TMEM144: variants seen among roughly 807,000 people sequenced by gnomAD.
TMEM144 encodes transmembrane protein 144.
Under a neutral mutation model 43.6 loss-of-function variants are expected in TMEM144, and 39 were observed. That is an observed-to-expected ratio of 0.90 (90% CI 0.69 to 1.17). TMEM144 has a LOEUF of 1.17. Among genes scored for constraint, TMEM144 ranks in the 50% most tolerant of loss-of-function variants. The pLI is 0.00. For synonymous variants in TMEM144, 154 were observed against 133.6 expected (o/e 1.15, Z -1.06); for missense variants, 417 against 411.9 (o/e 1.01, Z -0.11).
chr4:158,252,059 C>T (rs1023761712), intron 12 of TMEM144, among the ~76,000 whole-genome samples: 3 of 152,064 alleles, frequency 2.0e-5, no homozygotes, highest in Admixed American at 1.3e-4. Flanking sequence ...AAAGAGATGC[C>T]TCCAGGGATA....
At chr4:158,244,454 G>T in intron 12 of TMEM144, 105 bp downstream of exon 12, 1 of 834,394 alleles carries the variant, frequency 1.2e-6, no homozygotes, top group Non-Finnish European at 1.9e-6. Flanking sequence ...GGTGGATCGT[G>T]AGGTTAGGAG....
At chr4:158,248,739 T>G (rs1736018819) in intron 12 of TMEM144, among the ~76,000 whole-genome samples, 1 of 152,194 alleles carries the variant, frequency 6.6e-6, no homozygotes, top group Non-Finnish European at 1.5e-5. Context: ...GTCAGTTATA[T>G]ATCTTAAAGC....
rs141957756 is a variant in TMEM144, at chr4:158,232,431, G to A, written c.414-470G>A. On this transcript the variant is annotated intron_variant, in intron 6 of 12. Transcript: ENST00000296529. Reference sequence around the variant, plus strand: ...TCCGGCAGGATTGGTAAGGTCAGAAGTGGACACACCGGTGGCCTCAGTAGA... The same window carrying A: ...TCCGGCAGGATTGGTAAGGTCAGAAATGGACACACCGGTGGCCTCAGTAGA... Among the ~76,000 whole-genome samples, 838 of 152,304 alleles carry A rather than the reference G, an allele frequency of 5.5e-3. 6 individuals carry two copies. Among genetic ancestry groups the A allele is most frequent in the African/African-American group, 0.017 (725 of 41,564 alleles).
rs1235515820 is a variant in TMEM144, at chr4:158,241,490, T to G, written c.803-19T>G. The G allele has an allele frequency of 1.3e-6, 2 of 1,598,528 alleles. No individual in the cohort carries two copies. Among genetic ancestry groups the G allele is most frequent in the African/African-American group, 1.3e-5 (1 of 74,574 alleles). ...GAGGGGAACATGGTCTGCAAATGTG[T>G]GTTGTCTTTGTATTTCAGGATTCCT... is the stretch of plus-strand genomic sequence containing the variant. On this transcript the variant is annotated intron_variant, in intron 10 of 12. Transcript: ENST00000296529.
At chr4:158,223,962 G>A (rs2111114526) in intron 6 of TMEM144, among the ~76,000 whole-genome samples, 1 of 152,266 alleles carries the variant, frequency 6.6e-6, no homozygotes, top group Non-Finnish European at 1.5e-5. Flanking sequence ...GGTATTTCTG[G>A]TTCTAGATCC....
chr4:158,229,058 C>T (rs1348169315), intron 6 of TMEM144, among the ~76,000 whole-genome samples: 9 of 152,034 alleles, frequency 5.9e-5, no homozygotes, highest in African/African-American at 2.2e-4. Flanking sequence ...GTAACATAAC[C>T]GGTTAGGCCA....
intron 9 of TMEM144, among the ~76,000 whole-genome samples, chr4:158,238,150 A>G (rs942544684): frequency 6.6e-6 from 1 of 152,238 alleles, no homozygotes; most frequent in Non-Finnish European, 1.5e-5. Context: ...ACTCAATACT[A>G]TATGCAATAG....
At position 158,222,802 on chromosome 4, in the gene TMEM144, T is replaced by C. The variant is rs181345303; in HGVS notation, c.413+3412T>C. 1.8e-3 allele frequency among the ~76,000 whole-genome samples: 272 copies of C among 152,358 alleles called. 1 individual carries two copies. The highest frequency in any genetic ancestry group is 2.8e-3 in the Non-Finnish European group (192 of 68,028). ...GCACACACACAATTTTTACTAAGTG[T>C]GTGATGTACGGGATTGCAAATCTAG... On this transcript the variant is annotated intron_variant, in intron 6 of 12. Coordinates refer to ENST00000296529, the MANE Select transcript of TMEM144 (RefSeq NM_018342.5).
chr4:158,229,077 T>A (rs1268798813), intron 6 of TMEM144, among the ~76,000 whole-genome samples: 1 of 152,160 alleles, frequency 6.6e-6, no homozygotes, highest in East Asian at 1.9e-4. Context: ...CATTGGTCGA[T>A]CTTTAACTAC....
chr4:158,217,689 C>A (rs1734295985), intron 5 of TMEM144, among the ~76,000 whole-genome samples: 1 of 152,188 alleles, frequency 6.6e-6, no homozygotes, highest in Non-Finnish European at 1.5e-5. Context: ...TTGTCCCTTT[C>A]TATTGTGTGA....
intron 6 of TMEM144, among the ~76,000 whole-genome samples, chr4:158,229,360 G>A (rs1734944811): frequency 6.6e-6 from 1 of 152,144 alleles, no homozygotes; most frequent in Non-Finnish European, 1.5e-5. Context: ...AGCAAAGATG[G>A]ATGCCTTCTT....
rs570892425 is a variant in TMEM144 at position 158,230,030 on chromosome 4, G to A, written c.414-2871G>A. On this transcript the variant is annotated intron_variant, in intron 6 of 12. Coordinates refer to ENST00000296529, the MANE Select transcript of TMEM144 (RefSeq NM_018342.5). ...TGGTACTGGTCACCCCTCCCTTCGG[G>A]AGCTCAGCAGGCTGAGGCAGATTCC... is the stretch of plus-strand genomic sequence containing the variant. Among the ~76,000 whole-genome samples, 43 of 152,344 alleles carry A rather than the reference G, an allele frequency of 2.8e-4. No homozygotes were observed. The South Asian group carries it at 8.5e-3, about 30-fold the overall frequency.
chr4:158,239,007 T>C (rs1380324467), intron 9 of TMEM144, among the ~76,000 whole-genome samples: 1 of 152,198 alleles, frequency 6.6e-6, no homozygotes, highest in African/African-American at 2.4e-5. Flanking sequence ...ATTTTACAAA[T>C]ACTCAGTTAA....
Position 158,240,339 on chromosome 4 carries a change from T to C in TMEM144, c.723T>C (p.Leu241=). 6.2e-7 allele frequency: 1 copy of C among 1,613,920 alleles called. No homozygotes were observed. The highest frequency in any genetic ancestry group is 8.5e-7 in the Non-Finnish European group (1 of 1,179,936). The change falls in exon 10 of 13, where the codon CTT becomes CTC. Residue 241 remains leucine, a synonymous_variant. Transcript: ENST00000296529. ...TTGCGCACTTCAGTGGCATCTTTCT[T>C]ACAAGTACTGTCTACTTTCTGGCCT... is the stretch of plus-strand genomic sequence containing the variant. ...YVFAHFSGIF[L]TSTVYFLAYC...
In TMEM144 at chr4:158,254,181, T is replaced by C. The variant is rs189470690; in HGVS notation, c.*654T>C. The C allele has an allele frequency of 6.6e-6, 1 of 152,360 alleles. No individual in the cohort carries two copies. The highest frequency in any genetic ancestry group is 1.9e-4 in the East Asian group (1 of 5,184). 9.4% of individuals were successfully genotyped at this position (152,360 alleles called of 1,614,324 possible). A position where few individuals can be genotyped will look rare whatever the true frequency, so the allele number is the denominator to read the frequency against. On this transcript the variant is annotated 3_prime_UTR_variant, in exon 13 of 13. Transcript: ENST00000296529. ...ATTCTCAGAGAACAAAAATTTTTCA[T>C]CATTGAGAAAATGTGCATAACATAA...
At chr4:158,249,954 T>C (rs558197619) in intron 12 of TMEM144, among the ~76,000 whole-genome samples, 150 of 140,850 alleles carry the variant, frequency 1.1e-3, no homozygotes, top group Non-Finnish European at 2.0e-3. Context: ...TGTTCTGCAC[T>C]TGGCAAGGTT....
At position 158,217,355 on chromosome 4, in the gene TMEM144, T is replaced by C; in HGVS notation, c.267T>C (p.Ile89=). The C allele has an allele frequency of 6.2e-7, 1 of 1,613,170 alleles. No homozygotes were observed. Among genetic ancestry groups the C allele is most frequent in the South Asian group, 1.1e-5 (1 of 91,018 alleles). Residue 89 remains isoleucine, a synonymous_variant, in exon 5 of 13, where the codon ATT becomes ATC. Coordinates refer to ENST00000296529, the MANE Select transcript of TMEM144 (RefSeq NM_018342.5). The stretch of plus-strand genomic sequence containing the variant: ...CTGTTGTCCCAATTATCAAAACCAT[T>C]GGTTTAGGCCTTGGAATCTTAATCT... ...NIAVVPIIKT[I]GLGLGILIWG... is the part of the protein sequence containing the mutation.
At chr4:158,248,702 C>T (rs1217805898) in intron 12 of TMEM144, among the ~76,000 whole-genome samples, 4 of 152,096 alleles carry the variant, frequency 2.6e-5, no homozygotes, top group East Asian at 1.9e-4. Context: ...AAAAGCAAAC[C>T]TGTTATCTGC....
intron 6 of TMEM144, among the ~76,000 whole-genome samples, chr4:158,222,077 TA>T (rs1291116185): frequency 6.6e-6 from 1 of 151,590 alleles, no homozygotes; most frequent in Non-Finnish European, 1.5e-5. Context: ...ACTATTCCTG[TA>T]AAAAAAATTT....
Sources: allele counts gnomAD v4.1 joint callset (sites outside exome capture counted in the v4.1 genomes callset), GRCh38; gene constraint gnomAD v4.1.1; transcripts MANE v1.5; gene names NCBI Gene and HGNC (gene_info 2026-07-23, HGNC 2026-07-21).